Variants in HELLS observed in about 807,000 individuals in gnomAD.
HELLS encodes the protein lymphoid-specific helicase.
A neutral mutation model predicts 120.0 loss-of-function variants in HELLS; 32 were observed. That is an observed-to-expected ratio of 0.27 (90% CI 0.20 to 0.36). HELLS has a LOEUF of 0.36. HELLS is among the 10% of genes least tolerant of loss of function. The pLI is 1.00. For synonymous variants in HELLS, 341 were observed against 323.4 expected, an observed-to-expected ratio of 1.05 and a Z score of -0.58; for missense variants, 650 against 993.4, an observed-to-expected ratio of 0.65 and a Z score of 4.65.
intron 7 of HELLS, among the ~76,000 whole-genome samples, chr10:94,572,651 G>A (rs1361891678): frequency 6.6e-6 from 1 of 152,168 alleles, no homozygotes; most frequent in Non-Finnish European, 1.5e-5. Flanking sequence ...TTGCACACAA[G>A]TCCATGTGTA....
rs752301677 is a variant in HELLS at position 94,594,898 on chromosome 10, T to C, written c.2248+44T>C. On this transcript the variant is annotated intron_variant, in intron 19 of 21. Coordinates refer to ENST00000348459, the MANE Select transcript of HELLS (RefSeq NM_018063.5). ...GTGCTTTATTGTTTAAATTGTGCATTGTGTGTTGTGGATTTTGTTTTTATT... is the reference window on the plus strand; with the variant it reads ...GTGCTTTATTGTTTAAATTGTGCATCGTGTGTTGTGGATTTTGTTTTTATT... 3 of 1,417,426 alleles carry C rather than the reference T, an allele frequency of 2.1e-6. No individual in the cohort carries two copies. In the East Asian group the frequency reaches 6.9e-5, roughly 33 times the overall value. The allele number at this position is 1,417,426 out of a possible 1,614,324, so 87.8% of individuals were successfully genotyped here.
At chr10:94,606,482 C>T (rs944297929), downstream of HELLS, among the ~76,000 whole-genome samples, 2 of 150,244 alleles carry the variant, frequency 1.3e-5, no homozygotes, top group Admixed American at 1.3e-4. Flanking sequence ...ATCTTGGCTA[C>T]AGGCATGTGA....
chr10:94,588,452 CTT>C, intron 13 of HELLS, 62 bp downstream of exon 13: 8 of 1,264,796 alleles, frequency 6.3e-6, no homozygotes, highest in South Asian at 3.5e-5. Flanking sequence ...TCTTTTTTCC[CTT>C]TTTTTTTGAG....
At chr10:94,598,483 T>G (rs1845851494) in intron 21 of HELLS, among the ~76,000 whole-genome samples, 1 of 152,154 alleles carries the variant, frequency 6.6e-6, no homozygotes, top group Non-Finnish European at 1.5e-5. Flanking sequence ...GAGACCCAAT[T>G]GTTAAACATT....
At chr10:94,581,878 A>G (rs1844886636) in intron 11 of HELLS, among the ~76,000 whole-genome samples, 1 of 152,208 alleles carries the variant, frequency 6.6e-6, no homozygotes, top group African/African-American at 2.4e-5. Flanking sequence ...TATCTCACAT[A>G]AAAGAAAACC....
chr10:94,552,331 G>A (rs1196676941), intron 2 of HELLS, among the ~76,000 whole-genome samples: 1 of 152,120 alleles, frequency 6.6e-6, no homozygotes, highest in Admixed American at 6.6e-5. Context: ...GTGATTTTTA[G>A]TGCTGTTGCT....
chr10:94,573,930 C>T (rs910657681), intron 7 of HELLS, 30 bp from the exon 8 acceptor site: 10 of 1,297,240 alleles, frequency 7.7e-6, no homozygotes, highest in Middle Eastern at 1.9e-4. Context: ...TTTTGTATAA[C>T]ACATCTTATT....
At chr10:94,593,207 A>G (rs373917293) in intron 17 of HELLS, among the ~76,000 whole-genome samples, 5 of 152,150 alleles carry the variant, frequency 3.3e-5, no homozygotes, top group Non-Finnish European at 5.9e-5. Context: ...CACCCACCCC[A>G]TGTGTTTAGA....
chr10:94,579,297 T>C (rs1451609267), intron 10 of HELLS, among the ~76,000 whole-genome samples: 1 of 147,662 alleles, frequency 6.8e-6, no homozygotes, highest in Admixed American at 6.8e-5. Context: ...ACCTCCCAGG[T>C]TCACACCATT....
intron 15 of HELLS, 114 bp from the exon 16 acceptor site, chr10:94,592,115 T>C: frequency 1.5e-6 from 1 of 684,086 alleles, no homozygotes; most frequent in Non-Finnish European, 2.4e-6. Flanking sequence ...CAGGTCAGTT[T>C]TTAAGTTTTT....
chr10:94,552,460 T>G (rs1403234588), intron 2 of HELLS, among the ~76,000 whole-genome samples: 1 of 152,224 alleles, frequency 6.6e-6, no homozygotes, highest in Admixed American at 6.5e-5. Flanking sequence ...GAAATCTGAC[T>G]TCTCCAGTTT....
intron 12 of HELLS, among the ~76,000 whole-genome samples, chr10:94,583,724 A>G (rs546037728): frequency 4.6e-5 from 7 of 152,268 alleles, no homozygotes; most frequent in East Asian, 1.9e-4. Flanking sequence ...CGTGTGTTTT[A>G]TCTATATTTT....
intron 9 of HELLS, among the ~76,000 whole-genome samples, chr10:94,608,927 C>T (rs932280953): frequency 2.6e-5 from 4 of 151,900 alleles, no homozygotes; most frequent in Non-Finnish European, 5.9e-5. Flanking sequence ...TAAGCTACCG[C>T]ACCCAGCCCA....
chr10:94,557,329 T>C (rs1479992904), intron 3 of HELLS: 1 of 210,162 alleles, frequency 4.8e-6, no homozygotes, highest in Non-Finnish European at 1.0e-5. Flanking sequence ...TTATTACTTT[T>C]TTATGGTAAA....
chr10:94,589,964 GGCGTGAGC>G (rs1238280104), intron 13 of HELLS, among the ~76,000 whole-genome samples: 2 of 151,964 alleles, frequency 1.3e-5, no homozygotes, highest in Non-Finnish European at 1.5e-5. Flanking sequence ...TGGGTTTACA[GGCGTGAGC>G]CACCGTACCC....
intron 10 of HELLS, 126 bp downstream of exon 10, chr10:94,576,931 T>A (rs1473440973): frequency 1.3e-6 from 1 of 767,190 alleles, no homozygotes; most frequent in African/African-American, 1.8e-5. Flanking sequence ...TAGATTATAT[T>A]GTGCATATAC....
rs77093476 is a variant in HELLS, at chr10:94,598,625, T to A, written c.2422+1514T>A. ...TTGGAAGTTTTTTTTTTTTTTTTTT[T>A]AATCAGATGTATTTTCCAAACATTT... is the stretch of plus-strand genomic sequence containing the variant. On this transcript the variant is annotated intron_variant, in intron 21 of 21. Coordinates refer to ENST00000348459, the MANE Select transcript of HELLS (RefSeq NM_018063.5). Among the ~76,000 whole-genome samples the A allele has an allele frequency of 5.7e-4, 81 of 142,928 alleles. No individual in the cohort carries two copies. The East Asian group carries it at 6.8e-3, about 12-fold the overall frequency. The allele number at this position is 142,928 out of a possible 152,430, so 93.8% of individuals were successfully genotyped here. A position where few individuals can be genotyped will look rare whatever the true frequency, so the allele number is the denominator to read the frequency against.
chr10:94,547,076 A>T (rs1047832086), intron 2 of HELLS, among the ~76,000 whole-genome samples: 1 of 152,164 alleles, frequency 6.6e-6, no homozygotes, highest in Non-Finnish European at 1.5e-5. Flanking sequence ...GTACTTTTTC[A>T]ATGACAAGTT....
intron 13 of HELLS, among the ~76,000 whole-genome samples, chr10:94,589,984 G>A (rs1453886641): frequency 1.3e-5 from 2 of 152,106 alleles, no homozygotes; most frequent in African/African-American, 4.8e-5. Context: ...ACCGTACCCG[G>A]CCTCTTCTCC....
Sources: allele counts gnomAD v4.1 joint callset (sites outside exome capture counted in the v4.1 genomes callset), GRCh38; gene constraint gnomAD v4.1.1; transcripts MANE v1.5; gene names NCBI Gene and HGNC (gene_info 2026-07-23, HGNC 2026-07-21).